Variants in SHROOM3 observed in about 807,000 individuals in gnomAD.
SHROOM3 encodes protein Shroom3.
A neutral mutation model predicts 138.6 loss-of-function variants in SHROOM3; 47 were observed. That is an observed-to-expected ratio of 0.34 (90% CI 0.27 to 0.43). SHROOM3 has a LOEUF of 0.43. Ranked by LOEUF, SHROOM3 falls within the 20% of genes least tolerant of loss-of-function variation. The pLI, the probability that SHROOM3 is intolerant of heterozygous loss-of-function variation, is 1.00. For missense variants in SHROOM3, 2,491 were observed against 2,596.5 expected, an observed-to-expected ratio of 0.96 and a Z score of 0.88; for synonymous variants, 1,062 against 1,063.3, an observed-to-expected ratio of 1.00 and a Z score of 0.02.
At chr4:76,566,246 A>T (rs1352248394) in intron 2 of SHROOM3, among the ~76,000 whole-genome samples, 1 of 152,100 alleles carries the variant, frequency 6.6e-6, no homozygotes, top group Non-Finnish European at 1.5e-5. Context: ...TATATTAGGT[A>T]GGATAAGTAA....
At chr4:76,619,009 G>T (rs112843192) in intron 2 of SHROOM3, among the ~76,000 whole-genome samples, 6 of 151,958 alleles carry the variant, frequency 3.9e-5, no homozygotes, top group Admixed American at 6.6e-5. Flanking sequence ...CACCATGCCC[G>T]GCTAATTTTT....
chr4:76,678,748 C>T (rs934996695), intron 2 of SHROOM3, among the ~76,000 whole-genome samples: 4 of 152,202 alleles, frequency 2.6e-5, no homozygotes, highest in African/African-American at 9.7e-5. Flanking sequence ...GCAACCTCCG[C>T]CTCCCAGGTT....
chr4:76,738,783 A>C lies in SHROOM3; in HGVS notation c.610A>C (p.Asn204His), dbSNP rs932668101. 6.2e-6 allele frequency: 10 copies of C among 1,614,074 alleles called. No individual in the cohort carries two copies. Among genetic ancestry groups the C allele is most frequent in the Non-Finnish European group, 8.5e-6 (10 of 1,180,032 alleles). ...CAGCTCCTCTACTAGTGACCTCTCC[A>C]ACTATGACCATGCTTATCTAAGGCG... Reference protein sequence around the residue: ...HSSSSTSDLSNYDHAYLRRSP... With the variant: ...HSSSSTSDLSHYDHAYLRRSP... Residue 204 changes from asparagine (N) to histidine (H), a missense_variant, in exon 5 of 11, where the codon AAC (asparagine) becomes CAC (histidine). Physicochemically the swap from Asn to His is moderately conservative, Grantham distance 68. Transcript: ENST00000296043.
chr4:76,742,835 G>A (rs911573974), intron 5 of SHROOM3, among the ~76,000 whole-genome samples: 9 of 152,068 alleles, frequency 5.9e-5, no homozygotes, highest in Non-Finnish European at 1.3e-4. Flanking sequence ...GAAGAACTCC[G>A]CTCCACTCTC....
At chr4:76,496,246 G>A (rs1036603071) in intron 1 of SHROOM3, among the ~76,000 whole-genome samples, 3 of 152,190 alleles carry the variant, frequency 2.0e-5, no homozygotes, top group African/African-American at 7.2e-5. Context: ...TAGGGAGCTG[G>A]ATGGGCCATC....
intron 2 of SHROOM3, among the ~76,000 whole-genome samples, chr4:76,616,910 G>A (rs556373240): frequency 1.3e-5 from 2 of 152,318 alleles, no homozygotes; most frequent in South Asian, 4.2e-4. Context: ...TCCTGCAGAA[G>A]TTAACATGGA....
At position 76,682,541 on chromosome 4, in the gene SHROOM3, C is replaced by T. The variant is rs114373421; in HGVS notation, c.324-27615C>T. 3.8e-3 allele frequency among the ~76,000 whole-genome samples: 571 copies of T among 152,120 alleles called. 4 individuals carry two copies. Among genetic ancestry groups the T allele is most frequent in the African/African-American group, 0.013 (525 of 41,476 alleles). ...GAGTTCCTTGAAGTTAGGGTTGGAC[C>T]TCATCCATCTTGATATCCCTATCCC... On this transcript the variant is annotated intron_variant, in intron 2 of 10. Transcript: ENST00000296043.
At chr4:76,549,524 A>G (rs1421607130) in intron 1 of SHROOM3, among the ~76,000 whole-genome samples, 2 of 152,048 alleles carry the variant, frequency 1.3e-5, no homozygotes, top group Admixed American at 1.3e-4. Context: ...GCGTGCCACC[A>G]TGCCCGCCTA....
In SHROOM3 at chr4:76,770,871, T is replaced by C. The variant is rs950763331; in HGVS notation, c.5595T>C (p.Leu1865=). 1 of 1,614,188 alleles carries C rather than the reference T, an allele frequency of 6.2e-7. No individual in the cohort carries two copies. The highest frequency in any genetic ancestry group is 1.7e-5 in the Admixed American group (1 of 60,026). ...GTGTTGAGAATGTCCTTAGCGGCCT[T>C]GGTGAAGATGCCAGTAATGAAGAAA... ...LARVENVLSG[L]GEDASNEERS... Residue 1865 remains leucine (L), a synonymous_variant, in exon 10 of 11, where the codon CTT becomes CTC. Transcript: ENST00000296043.
intron 1 of SHROOM3, among the ~76,000 whole-genome samples, chr4:76,450,851 A>C (rs953841395): frequency 2.6e-5 from 4 of 152,232 alleles, no homozygotes; most frequent in Non-Finnish European, 4.4e-5. Context: ...AAAGAAAAAC[A>C]CTACTTCTAT....
chr4:76,604,076 C>T (rs1298605725), intron 2 of SHROOM3, among the ~76,000 whole-genome samples: 2 of 151,950 alleles, frequency 1.3e-5, no homozygotes, highest in Non-Finnish European at 2.9e-5. Flanking sequence ...CCGCCCACCT[C>T]GGCCTCCCAA....
intron 2 of SHROOM3, chr4:76,709,922 T>C (rs1283994459): frequency 2.0e-6 from 1 of 493,900 alleles, no homozygotes; most frequent in African/African-American, 1.9e-5. Context: ...AATAATGCTT[T>C]ATTGCTTCAG....
chr4:76,541,904 G>A (rs1253064581), intron 1 of SHROOM3, among the ~76,000 whole-genome samples: 2 of 152,150 alleles, frequency 1.3e-5, no homozygotes, highest in African/African-American at 4.8e-5. Flanking sequence ...ACTAAAACGG[G>A]ATGGAGCAGA....
intron 2 of SHROOM3, chr4:76,688,811 T>C (rs2110106554): frequency 1.0e-6 from 1 of 985,410 alleles, no homozygotes; most frequent in East Asian, 1.1e-4. Flanking sequence ...TCACGTCTCT[T>C]GTCTAATCAG....
At position 76,773,256 on chromosome 4, in the gene SHROOM3, C is replaced by T. The variant is rs566916243; in HGVS notation, c.5622+2358C>T. 2.0e-5 allele frequency among the ~76,000 whole-genome samples: 3 copies of T among 151,818 alleles called. No individual in the cohort carries two copies. In the East Asian group the frequency reaches 5.8e-4, roughly 30 times the overall value. The stretch of plus-strand genomic sequence containing the variant: ...CAGGTGTGTGGCGGGTGCCTGTAAT[C>T]CCAGCTACTCAGGAGGCTGAGGCAG... On this transcript the variant is annotated intron_variant, in intron 10 of 10. Coordinates refer to ENST00000296043, the MANE Select transcript of SHROOM3 (RefSeq NM_020859.4).
At position 76,727,022 on chromosome 4, in the gene SHROOM3, T is replaced by C. The variant is rs150088432; in HGVS notation, c.456-3782T>C. ...TGAGGTCACGGTCCATTGGTGTCCA[T>C]TGGCTTCTCAAGGCCAATACCCAGT... is the stretch of plus-strand genomic sequence containing the variant. On this transcript the variant is annotated intron_variant, in intron 3 of 10. Transcript: ENST00000296043. Among the ~76,000 whole-genome samples the C allele has an allele frequency of 2.4e-3, 369 of 152,292 alleles. 2 individuals are homozygous for C. The highest frequency in any genetic ancestry group is 8.4e-3 in the African/African-American group (348 of 41,570).
intron 2 of SHROOM3, among the ~76,000 whole-genome samples, chr4:76,632,031 G>T (rs1396932937): frequency 2.6e-5 from 4 of 152,112 alleles, no homozygotes; most frequent in Non-Finnish European, 5.9e-5. Context: ...TGAATAATTG[G>T]GATGGTAATG....
intron 1 of SHROOM3, among the ~76,000 whole-genome samples, chr4:76,451,314 G>T (rs1416984867): frequency 6.6e-6 from 1 of 152,130 alleles, no homozygotes; most frequent in African/African-American, 2.4e-5. Flanking sequence ...AAGCTCTAAA[G>T]CATGTCACAG....
intron 2 of SHROOM3, among the ~76,000 whole-genome samples, chr4:76,692,677 C>T (rs1403095769): frequency 1.3e-5 from 2 of 152,108 alleles, no homozygotes; most frequent in African/African-American, 2.4e-5. Context: ...TACGACTCAG[C>T]GATCAATGGG....
Sources: gnomAD v4.1 joint callset for allele counts (sites outside exome capture counted in the v4.1 genomes callset) on GRCh38, gnomAD v4.1.1 for gene constraint, MANE v1.5 for transcripts, NCBI Gene and HGNC (gene_info 2026-07-23, HGNC 2026-07-21) for gene names.